Variants in IL10RB observed in about 807,000 individuals in gnomAD.
IL10RB encodes interleukin-10 receptor subunit beta.
A neutral mutation model predicts 38.7 loss-of-function variants in IL10RB; 30 were observed. The ratio of observed to expected loss-of-function variants is 0.78; its 90% CI spans 0.58 to 1.05. The LOEUF is 1.05. IL10RB is among the 50% of genes least tolerant of loss of function. The probability of loss-of-function intolerance (pLI) is 0.00; values close to 1 mark genes in which losing one functional copy is unlikely to be tolerated. For synonymous variants in IL10RB, 142 were observed against 145.9 expected, an observed-to-expected ratio of 0.97 and a Z score of 0.19; for missense variants, 328 against 397.1, an observed-to-expected ratio of 0.83 and a Z score of 1.48.
intron 1 of IL10RB, 99 bp from the exon 2 acceptor site, chr21:33,268,295 A>C (rs186908108): frequency 2.4e-5 from 38 of 1,589,102 alleles, no homozygotes; most frequent in Non-Finnish European, 3.2e-5. Flanking sequence ...CTTTGAAGAC[A>C]TGGAGCCATA....
chr21:33,296,700 G>A lies in IL10RB; in HGVS notation c.*343G>A. The A allele has an allele frequency of 4.9e-6, 2 of 407,092 alleles. No individual in the cohort carries two copies. The highest frequency in any genetic ancestry group is 9.7e-6 in the Non-Finnish European group (2 of 206,908). The allele number at this position is 407,092 out of a possible 1,614,324, so 25.2% of individuals were successfully genotyped here. ...ACAGTGGCTCACGCCTGTAATACCA[G>A]CACCTTAGAGGTCGAGGCAGGCGGA... is the stretch of plus-strand genomic sequence containing the variant. On this transcript the variant is annotated 3_prime_UTR_variant, in exon 7 of 7. Transcript: ENST00000290200.
intron 2 of IL10RB, among the ~76,000 whole-genome samples, chr21:33,273,225 A>G (rs566399570): frequency 5.3e-5 from 8 of 152,322 alleles, no homozygotes; most frequent in South Asian, 2.1e-4. Context: ...TCGTAACACA[A>G]TGGTATTTGT....
exon 2 of IL10RB, chr21:33,309,975 T>A (rs1467850): frequency 3.3e-5 from 5 of 152,262 alleles, no homozygotes; most frequent in African/African-American, 1.2e-4. Context: ...AGGTCATAAG[T>A]GTGGGGCCCT....
chr21:33,272,823 C>T (rs923959871), intron 2 of IL10RB, among the ~76,000 whole-genome samples: 2 of 152,170 alleles, frequency 1.3e-5, no homozygotes, highest in African/African-American at 2.4e-5. Flanking sequence ...TTGGCTGTTG[C>T]GAGCTTAGAT....
At chr21:33,292,110 C>T (rs1989500279) in intron 6 of IL10RB, among the ~76,000 whole-genome samples, 1 of 152,160 alleles carries the variant, frequency 6.6e-6, no homozygotes, top group South Asian at 2.1e-4. Flanking sequence ...TCCCTCAGGT[C>T]CATCCTTCTT....
At chr21:33,309,559 C>T (rs1486475379) in exon 2 of IL10RB, 1 of 152,112 alleles carries the variant, frequency 6.6e-6, no homozygotes, top group African/African-American at 2.4e-5. Context: ...AGTTATGATG[C>T]TCAAGATTTT....
Position 33,276,505 on chromosome 21 carries a change from C to T in IL10RB, c.174-91C>T, listed in dbSNP as rs564392249. Reference sequence around the variant, plus strand: ...ATGTTTAACACAGTTTCCACTCCCGCGCCGCCCCCCCCTCCAAATTAAGTA... The same window carrying T: ...ATGTTTAACACAGTTTCCACTCCCGTGCCGCCCCCCCCTCCAAATTAAGTA... On this transcript the variant is annotated intron_variant, in intron 2 of 6. Coordinates refer to ENST00000290200, the MANE Select transcript of IL10RB (RefSeq NM_000628.5). 2.0e-4 allele frequency: 205 copies of T among 1,001,976 alleles called. 1 individual carries two copies. Among genetic ancestry groups the T allele is most frequent in the African/African-American group, 1.8e-3 (113 of 62,904 alleles). 62.1% of individuals were successfully genotyped at this position (1,001,976 alleles called of 1,614,324 possible). A position where few individuals can be genotyped will look rare whatever the true frequency, so the allele number is the denominator to read the frequency against.
chr21:33,267,091 C>T (rs1988967975), intron 1 of IL10RB, among the ~76,000 whole-genome samples: 1 of 152,134 alleles, frequency 6.6e-6, no homozygotes, highest in African/African-American at 2.4e-5. Context: ...AACCTAAATC[C>T]ATTGAAACCT....
chr21:33,291,826 A>G (rs1989493970), intron 6 of IL10RB, among the ~76,000 whole-genome samples: 1 of 152,008 alleles, frequency 6.6e-6, no homozygotes, highest in South Asian at 2.1e-4. Context: ...CTCAGCATTG[A>G]TCTCTGTCGC....
chr21:33,307,336 G>A (rs2083001249), intron 1 of IL10RB, among the ~76,000 whole-genome samples: 2 of 152,188 alleles, frequency 1.3e-5, no homozygotes, highest in South Asian at 2.1e-4. Flanking sequence ...AGGCTATGAC[G>A]CACATAGCAG....
intron 6 of IL10RB, among the ~76,000 whole-genome samples, chr21:33,293,679 C>T (rs866938746): frequency 6.6e-6 from 1 of 152,014 alleles, no homozygotes; most frequent in East Asian, 1.9e-4. Context: ...AAATTAGCCA[C>T]GCCTGTAATC....
At chr21:33,301,458 G>A (rs1054765837), downstream of IL10RB, among the ~76,000 whole-genome samples, 2 of 152,246 alleles carry the variant, frequency 1.3e-5, no homozygotes, top group African/African-American at 2.4e-5. Flanking sequence ...GGTTAAAGCT[G>A]TGGGAGTAAT....
Position 33,297,095 on chromosome 21 carries a change from T to C in IL10RB, c.*738T>C, listed in dbSNP as rs951060741. ...AAAATCGACCTCAACTCAAGGGTGG[T>C]CAGCTCAATGCTACACAGAGCACGG... On this transcript the variant is annotated 3_prime_UTR_variant, in exon 7 of 7. Transcript: ENST00000290200. 1 of 163,958 alleles carries C rather than the reference T, an allele frequency of 6.1e-6. No individual in the cohort carries two copies. Among genetic ancestry groups the C allele is most frequent in the Non-Finnish European group, 1.3e-5 (1 of 74,760 alleles). 10.2% of individuals were successfully genotyped at this position (163,958 alleles called of 1,614,324 possible).
intron 5 of IL10RB, among the ~76,000 whole-genome samples, chr21:33,284,769 G>GCTTT (rs1989343786): frequency 6.6e-6 from 1 of 152,162 alleles, no homozygotes; most frequent in East Asian, 1.9e-4. Flanking sequence ...CCCCCACTTA[G>GCTTT]CTTTCCACCA....
intron 1 of IL10RB, chr21:33,268,182 A>G: frequency 1.4e-6 from 2 of 1,448,492 alleles, no homozygotes; most frequent in Non-Finnish European, 1.8e-6. Context: ...GTCTGTCCCC[A>G]TTTTACTCCT....
At chr21:33,279,033 A>G (rs1989232099) in intron 3 of IL10RB, among the ~76,000 whole-genome samples, 2 of 152,238 alleles carry the variant, frequency 1.3e-5, no homozygotes, top group African/African-American at 4.8e-5. Flanking sequence ...CATGGAGCAT[A>G]TATGTGCTAA....
At position 33,266,534 on chromosome 21, in the gene IL10RB, G is replaced by T; in HGVS notation, c.49+20G>T. The T allele has an allele frequency of 6.5e-7, 1 of 1,540,814 alleles. No individual in the cohort carries two copies. Among genetic ancestry groups the T allele is most frequent in the East Asian group, 2.4e-5 (1 of 41,022 alleles). ...TGTCAGGTGAGGGGTCCGCGGGGAG[G>T]GGGCGCGCTTGGGAACCGGGAGGCC... On this transcript the variant is annotated intron_variant, in intron 1 of 6. Coordinates refer to ENST00000290200, the MANE Select transcript of IL10RB (RefSeq NM_000628.5).
intron 4 of IL10RB, among the ~76,000 whole-genome samples, chr21:33,281,318 G>A (rs530505589): frequency 2.6e-5 from 4 of 152,320 alleles, no homozygotes; most frequent in Admixed American, 6.5e-5. Context: ...GCTCCCCTCC[G>A]GGAGCTAGCA....
At position 33,296,482 on chromosome 21, in the gene IL10RB, C is replaced by A; in HGVS notation, c.*125C>A. 1.1e-6 allele frequency: 1 copy of A among 934,476 alleles called. No homozygotes were observed. Among genetic ancestry groups the A allele is most frequent in the Non-Finnish European group, 1.7e-6 (1 of 594,384 alleles). 57.9% of individuals were successfully genotyped at this position (934,476 alleles called of 1,614,324 possible). A position where few individuals can be genotyped will look rare whatever the true frequency, so the allele number is the denominator to read the frequency against. On this transcript the variant is annotated 3_prime_UTR_variant, in exon 7 of 7. Transcript: ENST00000290200. ...CTGAGCCAGCCCCACATCTAGAACTCCCAGACCCTGGACTTAGCCACCAGA... is the reference window on the plus strand; with the variant it reads ...CTGAGCCAGCCCCACATCTAGAACTACCAGACCCTGGACTTAGCCACCAGA...
Sources: gnomAD v4.1 joint callset for allele counts (sites outside exome capture counted in the v4.1 genomes callset) on GRCh38, gnomAD v4.1.1 for gene constraint, MANE v1.5 for transcripts, NCBI Gene and HGNC (gene_info 2026-07-23, HGNC 2026-07-21) for gene names.